Variants in DDRGK1 observed in about 807,000 individuals in gnomAD.
DDRGK1 encodes DDRGK domain containing 1, also known as DDRGK domain-containing protein 1.
A neutral mutation model predicts 45.8 loss-of-function variants in DDRGK1; 38 were observed. The ratio of observed to expected loss-of-function variants is 0.83; its 90% confidence interval spans 0.64 to 1.09. The LOEUF (loss-of-function observed/expected upper bound fraction) is 1.09. DDRGK1 is among the 50% of genes least tolerant of loss of function. DDRGK1 has a pLI of 0.00. For synonymous variants in DDRGK1, 171 were observed against 168.7 expected (o/e 1.01, Z -0.11); for missense variants, 403 against 419.9 (o/e 0.96, Z 0.35).
Position 3,190,740 on chromosome 20 carries a change from C to T in DDRGK1, c.858G>A (p.Arg286=). Residue 286 remains arginine, a synonymous_variant, in exon 9 of 9, where the codon CGG becomes CGA. Coordinates refer to ENST00000354488, the MANE Select transcript of DDRGK1 (RefSeq NM_023935.3). ...LAAVANFIRQ[R]GRVSIAELAQ... ...CAAGCTCGGCGATGGACACCCGGCCCCGCTGTCGGATGAAGTTGGCCACGG... is the reference window on the plus strand; with the variant it reads ...CAAGCTCGGCGATGGACACCCGGCCTCGCTGTCGGATGAAGTTGGCCACGG... The T allele has an allele frequency of 6.2e-7, 1 of 1,614,134 alleles. No homozygotes were observed. The highest frequency in any genetic ancestry group is 8.5e-7 in the Non-Finnish European group (1 of 1,180,018).
At chr20:3,203,763 T>C (rs750127601) in intron 1 of DDRGK1, among the ~76,000 whole-genome samples, 5 of 152,216 alleles carry the variant, frequency 3.3e-5, no homozygotes, top group African/African-American at 1.2e-4. Context: ...CCTGTGGTTT[T>C]ATCTGGCTCC....
chr20:3,197,964 G>A (rs945650391), intron 4 of DDRGK1, among the ~76,000 whole-genome samples: 1 of 150,676 alleles, frequency 6.6e-6, no homozygotes, highest in African/African-American at 2.4e-5. Context: ...AAAGCAAGGA[G>A]TCTTAGCTGG....
intron 4 of DDRGK1, among the ~76,000 whole-genome samples, chr20:3,197,263 A>T (rs1317398604): frequency 6.6e-6 from 1 of 151,670 alleles, no homozygotes; most frequent in Non-Finnish European, 1.5e-5. Context: ...ATGAATATTT[A>T]ATGAATAGGG....
Position 3,194,836 on chromosome 20 carries a change from G to A in DDRGK1, c.666C>T (p.Tyr222=). ...SQSFLTEFIN[Y]IKQSKVVLLE... Reference sequence around the variant, plus strand: ...CTGTTCAGTGGCTTCTTACCTTGATGTAGTTGATGAACTCTGTCAGGAAGC... The same window carrying A: ...CTGTTCAGTGGCTTCTTACCTTGATATAGTTGATGAACTCTGTCAGGAAGC... Residue 222 remains tyrosine, a synonymous_variant, in exon 6 of 9, where the codon TAC becomes TAT. Coordinates refer to ENST00000354488, the MANE Select transcript of DDRGK1 (RefSeq NM_023935.3). The A allele has an allele frequency of 1.2e-6, 2 of 1,614,182 alleles. No individual in the cohort carries two copies. The highest frequency in any genetic ancestry group is 1.7e-6 in the Non-Finnish European group (2 of 1,180,016).
chr20:3,203,233 T>A lies in DDRGK1; in HGVS notation c.275A>T (p.Glu92Val). 3 of 1,595,652 alleles carry A rather than the reference T, an allele frequency of 1.9e-6. No homozygotes were observed. The highest frequency in any genetic ancestry group is 2.6e-6 in the Non-Finnish European group (3 of 1,169,306). ...RVAWAEADEN[E>V]EEAVILAQEE... ...CTCACCTAGGATGACAGCTTCCTCC[T>A]CGTTCTCATCTGCTTCTGCCCAGGC... The change falls in exon 2 of 9, where the codon GAG becomes GTG. Residue 92 changes from glutamate (E) to valine (V), a missense_variant. Physicochemically the swap from Glu to Val is moderately radical, Grantham distance 121 (BLOSUM62 -2). Transcript: ENST00000354488.
At chr20:3,203,148 T>C in intron 2 of DDRGK1, 65 bp downstream of exon 2, 2 of 1,402,614 alleles carry the variant, frequency 1.4e-6, no homozygotes, top group Admixed American at 2.8e-5. Context: ...CCACTTAGCT[T>C]TGGGGGCCCT....
At position 3,200,039 on chromosome 20, in the gene DDRGK1, T is replaced by G. The variant is rs147976775; in HGVS notation, c.472A>C (p.Lys158Gln). The change falls in exon 4 of 9, where the codon AAG (lysine) becomes CAG (glutamine). Residue 158 changes from lysine to glutamine, a missense_variant. Coordinates refer to ENST00000354488, the MANE Select transcript of DDRGK1 (RefSeq NM_023935.3). ...LESQREAEWK[K>Q]EEERLRLEEE... ...TCCAGGCGAAGCCGCTCCTCCTCCT[T>G]CTTCCACTCAGCTTCGCGCTGGGAC... is the stretch of plus-strand genomic sequence containing the variant. 32 of 1,613,748 alleles carry G rather than the reference T, an allele frequency of 2.0e-5. No homozygotes were observed. Among genetic ancestry groups the G allele is most frequent in the Non-Finnish European group, 2.5e-5 (29 of 1,179,994 alleles).
At position 3,190,604 on chromosome 20, in the gene DDRGK1, T is replaced by C. The variant is rs777551066; in HGVS notation, c.*49A>G. ...GATGGTGGGGAGGGATGAAGATGTA[T>C]AGCCAGGTAGGCCACACCAACTCTG... On this transcript the variant is annotated 3_prime_UTR_variant, in exon 9 of 9. Transcript: ENST00000354488. 1.2e-5 allele frequency: 20 copies of C among 1,602,490 alleles called. No individual in the cohort carries two copies. Among genetic ancestry groups the C allele is most frequent in the South Asian group, 3.3e-5 (3 of 90,402 alleles).
intron 2 of DDRGK1, among the ~76,000 whole-genome samples, chr20:3,201,270 A>G (rs1211289864): frequency 7.0e-6 from 1 of 142,340 alleles, no homozygotes; most frequent in Non-Finnish European, 1.5e-5. Flanking sequence ...CCTGGGCGAC[A>G]GAGCGAGACT....
chr20:3,204,672 G>T lies in DDRGK1; in HGVS notation c.-45C>A. Reference sequence around the variant, plus strand: ...AACCACTGCGTCCACCCTGAGGCCGGGATCTCATAGGCCCCGCCCCTATTT... The same window carrying T: ...AACCACTGCGTCCACCCTGAGGCCGTGATCTCATAGGCCCCGCCCCTATTT... On this transcript the variant is annotated 5_prime_UTR_variant, in exon 1 of 9. Coordinates refer to ENST00000354488, the MANE Select transcript of DDRGK1 (RefSeq NM_023935.3). 1.3e-6 allele frequency: 2 copies of T among 1,527,084 alleles called. No homozygotes were observed. Among genetic ancestry groups the T allele is most frequent in the Non-Finnish European group, 1.8e-6 (2 of 1,135,374 alleles). The allele number at this position is 1,527,084 out of a possible 1,614,324, so 94.6% of individuals were successfully genotyped here.
At chr20:3,199,688 C>T (rs981949935) in intron 4 of DDRGK1, among the ~76,000 whole-genome samples, 1 of 152,166 alleles carries the variant, frequency 6.6e-6, no homozygotes, top group Non-Finnish European at 1.5e-5. Flanking sequence ...AGGATCCAGA[C>T]CCCCATCACC....
At chr20:3,200,950 A>T (rs1388141835) in intron 2 of DDRGK1, among the ~76,000 whole-genome samples, 2 of 152,158 alleles carry the variant, frequency 1.3e-5, no homozygotes, top group African/African-American at 4.8e-5. Context: ...CTCTACTAAA[A>T]ATACAAAAAA....
At chr20:3,200,261 A>G in intron 3 of DDRGK1, 81 bp downstream of exon 3, 1 of 1,473,448 alleles carries the variant, frequency 6.8e-7, no homozygotes, top group African/African-American at 1.4e-5. Context: ...GCAGGCAACA[A>G]GCCCTCAGTC....
chr20:3,194,189 C>T (rs1222217998), intron 6 of DDRGK1, among the ~76,000 whole-genome samples: 4 of 152,270 alleles, frequency 2.6e-5, no homozygotes, highest in South Asian at 4.1e-4. Context: ...CCCCCACCAC[C>T]GCCCCCGCTC....
chr20:3,204,219 G>A (rs1600479631), intron 1 of DDRGK1, among the ~76,000 whole-genome samples: 1 of 152,362 alleles, frequency 6.6e-6, no homozygotes, highest in East Asian at 1.9e-4. Context: ...GGTGCAGAGG[G>A]AAAGGGCCCC....
chr20:3,204,484 C>T, intron 1 of DDRGK1, 53 bp downstream of exon 1: 1 of 1,522,114 alleles, frequency 6.6e-7, no homozygotes, highest in East Asian at 2.4e-5. Context: ...CACAAAGGCT[C>T]AGAAGGCCAG....
rs2067029044 is a variant in DDRGK1, at chr20:3,200,051, C to T, written c.460G>A (p.Ala154Thr). ...ERKRLESQRE[A>T]EWKKEEERLR... ...CGCTCCTCCTCCTTCTTCCACTCAG[C>T]TTCGCGCTGGGACTCGAGTCGTTTC... Residue 154 changes from alanine to threonine, a missense_variant, in exon 4 of 9, where the codon GCT becomes ACT. Physicochemically the swap from Ala to Thr is moderately conservative, Grantham distance 58 (BLOSUM62 0). Transcript: ENST00000354488. 1.2e-6 allele frequency: 2 copies of T among 1,613,866 alleles called. No individual in the cohort carries two copies. Among genetic ancestry groups the T allele is most frequent in the Admixed American group, 1.7e-5 (1 of 59,988 alleles).
chr20:3,203,073 C>G, intron 2 of DDRGK1, 140 bp downstream of exon 2: 1 of 752,198 alleles, frequency 1.3e-6, no homozygotes, highest in Non-Finnish European at 2.0e-6. Flanking sequence ...GTCCCAAGTC[C>G]CCCCCTACTC....
At chr20:3,194,953 C>G in intron 5 of DDRGK1, 85 bp from the exon 6 acceptor site, 1 of 1,547,762 alleles carries the variant, frequency 6.5e-7, no homozygotes, top group Non-Finnish European at 8.8e-7. Context: ...CACCTGCTCA[C>G]TTGAGGGCCA....
Sources: gnomAD v4.1 joint callset for allele counts (sites outside exome capture counted in the v4.1 genomes callset) on GRCh38, gnomAD v4.1.1 for gene constraint, MANE v1.5 for transcripts, NCBI Gene and HGNC (gene_info 2026-07-23, HGNC 2026-07-21) for gene names.